DTX1: variants seen among roughly 807,000 people sequenced by gnomAD.
The protein encoded by DTX1 is E3 ubiquitin-protein ligase DTX1.
A neutral mutation model predicts 57.8 loss-of-function variants in DTX1; 26 were observed. The ratio of observed to expected loss-of-function variants is 0.45; its 90% confidence interval spans 0.33 to 0.62. The LOEUF (loss-of-function observed/expected upper bound fraction) is 0.62. DTX1 is among the 20% of genes least tolerant of loss of function. DTX1 has a pLI of 0.02. For missense variants in DTX1, 704 were observed against 895.3 expected, an observed-to-expected ratio of 0.79 and a Z score of 2.73; for synonymous variants, 398 against 394.1, an observed-to-expected ratio of 1.01 and a Z score of -0.12.
intron 2 of DTX1, among the ~76,000 whole-genome samples, chr12:113,070,098 A>C (rs2044729161): frequency 6.6e-6 from 1 of 152,132 alleles, no homozygotes; most frequent in South Asian, 2.1e-4. Context: ...TGTGCTCCTA[A>C]CTGCTCCGTG....
intron 2 of DTX1, among the ~76,000 whole-genome samples, chr12:113,062,359 TG>T (rs369446455): frequency 9.8e-5 from 15 of 152,364 alleles, no homozygotes; most frequent in African/African-American, 3.4e-4. Flanking sequence ...TGTAAGTGAA[TG>T]CGTGTGGCTG....
At chr12:113,062,032 TACAC>T (rs35422556) in intron 2 of DTX1, among the ~76,000 whole-genome samples, 15,885 of 142,410 alleles carry the variant, frequency 0.11, 1,527 homozygotes, top group African/African-American at 0.26. Flanking sequence ...TTATATTTCA[TACAC>T]ACACACACAC....
At chr12:113,070,500 G>C (rs1373405115) in intron 2 of DTX1, among the ~76,000 whole-genome samples, 1 of 152,208 alleles carries the variant, frequency 6.6e-6, no homozygotes, top group Non-Finnish European at 1.5e-5. Context: ...GCCCAGAGAG[G>C]AACCGTTTAG....
chr12:113,068,710 G>A (rs1438491813), intron 2 of DTX1, among the ~76,000 whole-genome samples: 1 of 152,202 alleles, frequency 6.6e-6, no homozygotes, highest in Non-Finnish European at 1.5e-5. Context: ...TGGAGCAGAG[G>A]AGTGACACAG....
In DTX1 at chr12:113,093,554, T is replaced by C. The variant is rs778962753; in HGVS notation, c.1019T>C (p.Leu340Pro). The C allele has an allele frequency of 6.2e-6, 10 of 1,608,202 alleles. No individual in the cohort carries two copies. Among genetic ancestry groups the C allele is most frequent in the Non-Finnish European group, 6.8e-6 (8 of 1,177,560 alleles). The change falls in exon 5 of 10, where the codon CTG becomes CCG. Residue 340 changes from leucine to proline, a missense_variant. Leu to Pro is a moderately conservative substitution (Grantham distance 98, BLOSUM62 -3). Around this residue, in one of 3 missense-constraint regions of DTX1, gnomAD observed 299 missense variants for 311.2 expected, o/e 0.96. Coordinates refer to ENST00000548759, the MANE Select transcript of DTX1 (RefSeq NM_004416.3). The surrounding 1 kb of genome is among the most constrained non-coding windows in gnomAD (Gnocchi z 4.2). ...TAACCCCCAGGGATGACCGGGATAC[T>C]GCTGTGCGCGGCCGGGCTGCCCGTG... is the stretch of plus-strand genomic sequence containing the variant. Reference protein sequence around the residue: ...HPALAGMTGILLCAAGLPVCL... With the variant: ...HPALAGMTGIPLCAAGLPVCL...
At chr12:113,090,987 G>A (rs1035391729) in intron 3 of DTX1, among the ~76,000 whole-genome samples, 3 of 152,236 alleles carry the variant, frequency 2.0e-5, no homozygotes, top group African/African-American at 4.8e-5. Context: ...CAGGCGGTGC[G>A]GAATCGTGTG....
At chr12:113,062,542 C>A (rs2044672568) in intron 2 of DTX1, among the ~76,000 whole-genome samples, 1 of 152,202 alleles carries the variant, frequency 6.6e-6, no homozygotes, top group Admixed American at 6.5e-5. Flanking sequence ...GCTGCAGGTT[C>A]ACTGACCCCT....
chr12:113,066,022 C>T lies in DTX1; in HGVS notation c.259+7571C>T, dbSNP rs146713524. Among the ~76,000 whole-genome samples the T allele has an allele frequency of 9.8e-5, 15 of 152,306 alleles. No homozygotes were observed. The East Asian group carries it at 2.9e-3, about 29-fold the overall frequency. Reference sequence around the variant, plus strand: ...GCTCTGGAATCACAACCGGTGGTAGCCAGTCCCCAGGACAGCTCCAGTCCC... The same window carrying T: ...GCTCTGGAATCACAACCGGTGGTAGTCAGTCCCCAGGACAGCTCCAGTCCC... On this transcript the variant is annotated intron_variant, in intron 2 of 9. Coordinates refer to ENST00000548759, the MANE Select transcript of DTX1 (RefSeq NM_004416.3).
rs780013460 is a variant in DTX1, at chr12:113,058,371, T to C, written c.179T>C (p.Val60Ala). The part of the protein sequence containing the change: ...NVLKEDARGS[V>A]VLGQVDAQLV... ...CTGAAGGAGGACGCTCGCGGTTCCG[T>C]GGTCCTGGGGCAGGTGGACGCCCAG... The change falls in exon 2 of 10, where the codon GTG becomes GCG. Residue 60 changes from valine (V) to alanine (A), a missense_variant. Coordinates refer to ENST00000548759, the MANE Select transcript of DTX1 (RefSeq NM_004416.3). The C allele has an allele frequency of 6.2e-7, 1 of 1,611,608 alleles. No homozygotes were observed.
intron 3 of DTX1, among the ~76,000 whole-genome samples, chr12:113,083,273 T>TG (rs2044831021): frequency 6.6e-6 from 1 of 152,214 alleles, no homozygotes; most frequent in Non-Finnish European, 1.5e-5. Flanking sequence ...ATGACTTCTT[T>TG]GGGGCACAGT....
Position 113,057,919 on chromosome 12 carries a change from C to G in DTX1, c.-274C>G. ...GCCGAGGGGGCCAAGGACTTTAGAG[C>G]TGTTTCCTCCGGCATAAGAGAGACA... On this transcript the variant is annotated 5_prime_UTR_variant, in exon 2 of 10. Transcript: ENST00000548759. The G allele has an allele frequency of 2.0e-6, 1 of 509,790 alleles. No homozygotes were observed. The allele number at this position is 509,790 out of a possible 1,614,324, so 31.6% of individuals were successfully genotyped here.
intron 2 of DTX1, among the ~76,000 whole-genome samples, chr12:113,075,669 G>A (rs1309268240): frequency 1.3e-5 from 2 of 152,186 alleles, no homozygotes; most frequent in South Asian, 2.1e-4. Flanking sequence ...AAGCCTCAGT[G>A]CCCTCCTTTA....
At position 113,095,173 on chromosome 12, in the gene DTX1, C is replaced by T. The variant is rs1361431611; in HGVS notation, c.1518C>T (p.Arg506=). The T allele has an allele frequency of 6.2e-7, 1 of 1,612,302 alleles. No homozygotes were observed. The highest frequency in any genetic ancestry group is 1.1e-5 in the South Asian group (1 of 91,012). Residue 506 remains arginine (R), a synonymous_variant, in exon 8 of 10, where the codon CGC becomes CGT. Transcript: ENST00000548759. The part of the protein sequence containing the change: ...LPGFPDTQTI[R]IVYDIPTGIQ... ...GCTTCCCTGATACCCAGACCATCCG[C>T]ATCGTCTATGACATCCCCACAGGCA...
At chr12:113,059,474 T>C (rs893363723) in intron 2 of DTX1, among the ~76,000 whole-genome samples, 7 of 152,144 alleles carry the variant, frequency 4.6e-5, no homozygotes, top group Admixed American at 2.0e-4. Flanking sequence ...ATGTGATGGC[T>C]GATGATGGAG....
intron 3 of DTX1, among the ~76,000 whole-genome samples, chr12:113,089,594 A>T (rs577217731): frequency 1.2e-4 from 19 of 152,262 alleles, no homozygotes; most frequent in African/African-American, 4.6e-4. Context: ...GTCCCACATC[A>T]AAAGGGGGCC....
rs2136059204 is a variant in DTX1 at position 113,077,684 on chromosome 12, G to A, written c.520G>A (p.Asp174Asn). 1 of 1,560,088 alleles carries A rather than the reference G, an allele frequency of 6.4e-7. No individual in the cohort carries two copies. Among genetic ancestry groups the A allele is most frequent in the East Asian group, 2.4e-5 (1 of 41,622 alleles). Residue 174 changes from aspartate to asparagine, a missense_variant, in exon 3 of 10, where the codon GAC becomes AAC. Physicochemically the swap from Asp to Asn is conservative, Grantham distance 23 (BLOSUM62 1). Transcript: ENST00000548759. The surrounding 1 kb of genome is among the most constrained non-coding windows in gnomAD (Gnocchi z 7.8). ...GCGCCGCCGCCTGCGCCGCCGCCTG[G>A]ACCTCGCCTACCCGCTCACCGTGGG... The part of the protein sequence containing the change: ...RRRRRLRRRL[D>N]LAYPLTVGSI...
At chr12:113,095,774 G>A (rs1950285467) in intron 9 of DTX1, among the ~76,000 whole-genome samples, 3 of 152,324 alleles carry the variant, frequency 2.0e-5, no homozygotes, top group South Asian at 2.1e-4. Context: ...CTTTTCAAGA[G>A]CACCAAGAAA....
intron 2 of DTX1, among the ~76,000 whole-genome samples, chr12:113,066,295 A>G (rs1302915081): frequency 1.3e-5 from 2 of 152,188 alleles, no homozygotes; most frequent in East Asian, 3.9e-4. Context: ...TTGGGAGGCT[A>G]AGGTGAGTGG....
intron 2 of DTX1, among the ~76,000 whole-genome samples, chr12:113,070,417 A>G (rs1450636106): frequency 3.3e-5 from 5 of 152,118 alleles, no homozygotes; most frequent in Non-Finnish European, 5.9e-5. Context: ...GGTGCCCCCA[A>G]ACTGAGATCA....
Sources: allele counts gnomAD v4.1 joint callset (sites outside exome capture counted in the v4.1 genomes callset), GRCh38; gene constraint gnomAD v4.1.1; regional missense constraint gnomAD v4.1.1; non-coding constraint Gnocchi (gnomAD v3.1); transcripts MANE v1.5; gene names NCBI Gene and HGNC (gene_info 2026-07-23, HGNC 2026-07-21).